CNBD1: variants seen among roughly 807,000 people sequenced by gnomAD.
The protein encoded by CNBD1 is cyclic nucleotide binding domain containing 1.
In CNBD1, 71 loss-of-function variants were observed where a neutral mutation model predicts 54.4. The ratio of observed to expected loss-of-function variants is 1.30; its 90% confidence interval spans 1.08 to 1.59. CNBD1 has a LOEUF of 1.59. Ranked by LOEUF, CNBD1 falls within the 40% of genes most tolerant of loss-of-function variation. The probability of loss-of-function intolerance (pLI) is 0.00; values close to 1 mark genes in which losing one functional copy is unlikely to be tolerated. For synonymous variants in CNBD1, 182 were observed against 170.7 expected (o/e 1.07, Z -0.51); for missense variants, 659 against 518.0 (o/e 1.27, Z -2.64).
At chr8:87,040,730 G>T (rs1810050720) in intron 4 of CNBD1, among the ~76,000 whole-genome samples, 1 of 151,430 alleles carries the variant, frequency 6.6e-6, no homozygotes, top group Admixed American at 6.6e-5. Flanking sequence ...GGCCTGTAAT[G>T]AATTCTTAAC....
At chr8:87,292,474 A>G (rs1402150834) in intron 8 of CNBD1, among the ~76,000 whole-genome samples, 1 of 152,158 alleles carries the variant, frequency 6.6e-6, no homozygotes, top group African/African-American at 2.4e-5. Flanking sequence ...TTTCTACTAC[A>G]TGGGGTGTGA....
At chr8:87,294,996 A>G (rs559500483) in intron 8 of CNBD1, among the ~76,000 whole-genome samples, 1 of 151,818 alleles carries the variant, frequency 6.6e-6, no homozygotes, top group East Asian at 1.9e-4. Context: ...TTTATTTGCC[A>G]TGAAGCTTCT....
At chr8:87,330,842 C>G (rs987179071) in intron 8 of CNBD1, among the ~76,000 whole-genome samples, 2 of 152,058 alleles carry the variant, frequency 1.3e-5, no homozygotes, top group Admixed American at 6.5e-5. Context: ...TAGAATTTAA[C>G]TGTGAAATAC....
At chr8:87,173,761 G>C (rs1021391334) in intron 4 of CNBD1, among the ~76,000 whole-genome samples, 2 of 151,046 alleles carry the variant, frequency 1.3e-5, no homozygotes, top group African/African-American at 4.9e-5. Context: ...AATCTGCTTG[G>C]TGTTCTATAA....
chr8:87,098,550 T>G (rs569531319), intron 4 of CNBD1, among the ~76,000 whole-genome samples: 2 of 152,156 alleles, frequency 1.3e-5, no homozygotes, highest in African/African-American at 4.8e-5. Context: ...ACCAAAGACA[T>G]GAAGCTCTTT....
intron 6 of CNBD1, among the ~76,000 whole-genome samples, chr8:87,276,979 A>G (rs1160524106): frequency 1.3e-5 from 1 of 79,768 alleles, no homozygotes; most frequent in South Asian, 4.1e-4. Flanking sequence ...TTGAATAATT[A>G]TTTTTTTTTT....
At chr8:87,301,619 T>C (rs191433615) in intron 8 of CNBD1, among the ~76,000 whole-genome samples, 82 of 151,188 alleles carry the variant, frequency 5.4e-4, no homozygotes, top group Admixed American at 1.3e-3. Context: ...ATAAACAGAA[T>C]TAAAAACAAA....
chr8:87,139,896 C>T (rs1812337579), intron 4 of CNBD1, among the ~76,000 whole-genome samples: 1 of 152,100 alleles, frequency 6.6e-6, no homozygotes, highest in African/African-American at 2.4e-5. Context: ...AACATATTGA[C>T]TTGATGCTAT....
chr8:86,875,804 T>G (rs1808512060), intron 1 of CNBD1, among the ~76,000 whole-genome samples: 1 of 152,162 alleles, frequency 6.6e-6, no homozygotes, highest in South Asian at 2.1e-4. Context: ...ACTGGATACT[T>G]TTTCTGTATT....
At chr8:86,889,000 T>A (rs1808726271) in intron 2 of CNBD1, among the ~76,000 whole-genome samples, 1 of 152,168 alleles carries the variant, frequency 6.6e-6, no homozygotes, top group African/African-American at 2.4e-5. Flanking sequence ...TGTCGTCTTG[T>A]GAGACAATTA....
intron 8 of CNBD1, among the ~76,000 whole-genome samples, chr8:87,314,935 CT>C (rs905062006): frequency 1.3e-5 from 2 of 151,954 alleles, no homozygotes; most frequent in Admixed American, 6.6e-5. Flanking sequence ...GCAAAGATGT[CT>C]TTTATCACTA....
chr8:87,128,160 T>C (rs1031559879), intron 4 of CNBD1, among the ~76,000 whole-genome samples: 2 of 152,142 alleles, frequency 1.3e-5, no homozygotes, highest in African/African-American at 4.8e-5. Context: ...ACCCCTGCAT[T>C]CATCCTTCAA....
At chr8:87,245,904 G>A (rs1423978016) in intron 6 of CNBD1, among the ~76,000 whole-genome samples, 2 of 151,528 alleles carry the variant, frequency 1.3e-5, no homozygotes, top group South Asian at 2.1e-4. Flanking sequence ...CCCATTATTA[G>A]CAGTATTTAT....
chr8:87,381,063 T>G (rs1811062898), intron 10 of CNBD1, among the ~76,000 whole-genome samples: 1 of 152,048 alleles, frequency 6.6e-6, no homozygotes, highest in South Asian at 2.1e-4. Context: ...AGAAAACGTT[T>G]GCACAGCAAA....
chr8:86,964,710 T>C (rs913217446), intron 4 of CNBD1, among the ~76,000 whole-genome samples: 4 of 152,144 alleles, frequency 2.6e-5, no homozygotes, highest in African/African-American at 9.7e-5. Flanking sequence ...TGAGGCAAGC[T>C]TGGAAGAGAA....
At chr8:87,350,184 A>G (rs1240986190) in intron 8 of CNBD1, among the ~76,000 whole-genome samples, 2 of 152,156 alleles carry the variant, frequency 1.3e-5, no homozygotes, top group African/African-American at 4.8e-5. Flanking sequence ...CTGTGAGAAA[A>G]TATTTCACAT....
At chr8:87,247,022 G>A (rs928505651) in intron 6 of CNBD1, among the ~76,000 whole-genome samples, 1 of 151,972 alleles carries the variant, frequency 6.6e-6, no homozygotes, top group Non-Finnish European at 1.5e-5. Context: ...CCATAATCTC[G>A]TTTTGGTTAC....
At chr8:87,119,217 A>T (rs563416568) in intron 4 of CNBD1, among the ~76,000 whole-genome samples, 1 of 152,076 alleles carries the variant, frequency 6.6e-6, no homozygotes, top group African/African-American at 2.4e-5. Context: ...ATCCATGACC[A>T]TCGGATGTTT....
At chr8:87,301,464 T>A (rs368270203) in intron 8 of CNBD1, among the ~76,000 whole-genome samples, 6 of 138,580 alleles carry the variant, frequency 4.3e-5, no homozygotes, top group African/African-American at 1.5e-4. Flanking sequence ...ATTTGCTAAC[T>A]AAATCCAACA....
Sources: allele counts gnomAD v4.1 joint callset (sites outside exome capture counted in the v4.1 genomes callset), GRCh38; gene constraint gnomAD v4.1.1; transcripts MANE v1.5; gene names NCBI Gene and HGNC (gene_info 2026-07-23, HGNC 2026-07-21).